The following HOXA6 variants were observed in gnomAD, a reference collection of about 807,000 sequenced individuals.
The protein encoded by HOXA6 is homeobox A6, also known as homeobox protein Hox-A6.
A neutral mutation model predicts 23.2 loss-of-function variants in HOXA6; 19 were observed. That is an observed-to-expected ratio of 0.82 (90% CI 0.57 to 1.20). The LOEUF is 1.20. Ranked by LOEUF, HOXA6 falls within the 50% of genes most tolerant of loss-of-function variation. HOXA6 has a pLI of 0.00. For synonymous variants in HOXA6, 140 were observed against 132.6 expected, an observed-to-expected ratio of 1.06 and a Z score of -0.38; for missense variants, 346 against 313.6, an observed-to-expected ratio of 1.10 and a Z score of -0.78.
In HOXA6 at chr7:27,145,402, T is replaced by C; in HGVS notation, c.*256A>G. 1 of 558,690 alleles carries C rather than the reference T, an allele frequency of 1.8e-6. No homozygotes were observed. The highest frequency in any genetic ancestry group is 2.2e-5 in the South Asian group (1 of 44,718). 34.6% of individuals were successfully genotyped at this position (558,690 alleles called of 1,614,324 possible). A position where few individuals can be genotyped will look rare whatever the true frequency, so the allele number is the denominator to read the frequency against. ...CATCCTTGTGGAGCGGGACTGGGTG[T>C]GTGCAGTGCGCCCCGCTCCACCGCT... On this transcript the variant is annotated 3_prime_UTR_variant, in exon 2 of 2. Transcript: ENST00000222728.
rs549373477 is a variant in HOXA6, at chr7:27,145,813, G to C, written c.547C>G (p.Arg183Gly). 1.2e-6 allele frequency: 2 copies of C among 1,614,274 alleles called. No homozygotes were observed. The highest frequency in any genetic ancestry group is 2.7e-5 in the African/African-American group (2 of 75,062). Residue 183 changes from arginine (R) to glycine (G), a missense_variant, in exon 2 of 2, where the codon CGC becomes GGC. Arg to Gly is a moderately radical substitution (Grantham distance 125, BLOSUM62 -2). Transcript: ENST00000222728. ...GCGTTGGCGATCTCGATGCGGCGGCGCCGTGTCAGGTAGCGGTTGAAGTGG... is the reference window on the plus strand; with the variant it reads ...GCGTTGGCGATCTCGATGCGGCGGCCCCGTGTCAGGTAGCGGTTGAAGTGG... ...EFHFNRYLTR[R>G]RRIEIANALC...
chr7:27,147,475 C>T lies in HOXA6; in HGVS notation c.275G>A (p.Gly92Asp), dbSNP rs1054236004. 2 of 1,614,006 alleles carry T rather than the reference C, an allele frequency of 1.2e-6. No homozygotes were observed. The highest frequency in any genetic ancestry group is 1.7e-5 in the Admixed American group (1 of 60,000). Residue 92 changes from glycine to aspartate, a missense_variant, in exon 1 of 2, where the codon GGC becomes GAC. By Grantham distance (94) the Gly-to-Asp change is moderately conservative. Transcript: ENST00000222728. The stretch of plus-strand genomic sequence containing the variant: ...CCCGGGGCCCCTCTGCTTGCCACTG[C>T]CCGAGGGCGAGGCGCCACTGAGGTC... ...DKDLSGASPSGSGKQRGPGDY... is the reference protein window; with the variant it reads ...DKDLSGASPSDSGKQRGPGDY...
chr7:27,145,459 TTTGTTTTGTTTTG>T lies in HOXA6; in HGVS notation c.*186_*198del, dbSNP rs1161705973. 2.6e-5 allele frequency: 6 copies of T among 227,230 alleles called. No homozygotes were observed. The Admixed American group carries it at 2.9e-4, about 11-fold the overall frequency. The allele number at this position is 227,230 out of a possible 1,614,324, so 14.1% of individuals were successfully genotyped here. A position where few individuals can be genotyped will look rare whatever the true frequency, so the allele number is the denominator to read the frequency against. On this transcript the variant is annotated 3_prime_UTR_variant, in exon 2 of 2. Coordinates refer to ENST00000222728, the MANE Select transcript of HOXA6 (RefSeq NM_024014.4). ...GGCTGTGTGTGAGGTTTTGTTTTGT[TTTGTTTTGTTTTG>T]TTTTGTTTTGTTTTGTTTTGTTTTG...
In HOXA6 at chr7:27,145,731, C is replaced by G. The variant is rs1782735361; in HGVS notation, c.629G>C (p.Trp210Ser). 1.2e-6 allele frequency: 2 copies of G among 1,614,224 alleles called. No homozygotes were observed. The highest frequency in any genetic ancestry group is 4.5e-5 in the East Asian group (2 of 44,864). The change falls in exon 2 of 2, where the codon TGG (tryptophan) becomes TCG (serine). Residue 210 changes from tryptophan to serine, a missense_variant. Coordinates refer to ENST00000222728, the MANE Select transcript of HOXA6 (RefSeq NM_024014.4). Reference sequence around the variant, plus strand: ...ATTGATGAGCTTGTTTTCCTTTTTCCACTTCATGCGGCGGTTCTGGAACCA... The same window carrying G: ...ATTGATGAGCTTGTTTTCCTTTTTCGACTTCATGCGGCGGTTCTGGAACCA... Reference protein sequence around the residue: ...KIWFQNRRMKWKKENKLINST... With the variant: ...KIWFQNRRMKSKKENKLINST...
chr7:27,145,515 G>A lies in HOXA6; in HGVS notation c.*143C>T, dbSNP rs1583410501. Reference sequence around the variant, plus strand: ...TTGTTTTGTAAGAAATAAATGCACAGACGCTTGCAAAGCTCCGGGCTCCCC... The same window carrying A: ...TTGTTTTGTAAGAAATAAATGCACAAACGCTTGCAAAGCTCCGGGCTCCCC... On this transcript the variant is annotated 3_prime_UTR_variant, in exon 2 of 2. Coordinates refer to ENST00000222728, the MANE Select transcript of HOXA6 (RefSeq NM_024014.4). 1 of 936,568 alleles carries A rather than the reference G, an allele frequency of 1.1e-6. No individual in the cohort carries two copies. Among genetic ancestry groups the A allele is most frequent in the South Asian group, 1.6e-5 (1 of 62,412 alleles). The allele number at this position is 936,568 out of a possible 1,614,324, so 58.0% of individuals were successfully genotyped here.
At chr7:27,147,254 T>G (rs775595249) in intron 1 of HOXA6, 54 bp downstream of exon 1, 2 of 1,494,428 alleles carry the variant, frequency 1.3e-6, no homozygotes, top group Middle Eastern at 1.8e-4. Flanking sequence ...CCTTCTTTCT[T>G]TCTTTTCCTG....
At chr7:27,147,275 CCTCTCCCT>C (rs1188843407) in intron 1 of HOXA6, 25 bp downstream of exon 1, 1 of 1,568,994 alleles carries the variant, frequency 6.4e-7, no homozygotes. Context: ...CCTCCTTTCC[CCTCTCCCT>C]CCACTGTCTT....
chr7:27,146,936 G>A (rs1362687682), intron 1 of HOXA6, among the ~76,000 whole-genome samples: 2 of 152,186 alleles, frequency 1.3e-5, no homozygotes, highest in African/African-American at 4.8e-5. Context: ...TATCAGTGAC[G>A]CAGTGCAAAA....
Position 27,145,597 on chromosome 7 carries a change from C to G in HOXA6, c.*61G>C. On this transcript the variant is annotated 3_prime_UTR_variant, in exon 2 of 2. Transcript: ENST00000222728. ...GCGGGGAGAAAAGTTGGGGAACAGG[C>G]GAGGGCAAGGGGGCAAAGCCGAAGG... The G allele has an allele frequency of 6.4e-7, 1 of 1,561,850 alleles. No individual in the cohort carries two copies. The highest frequency in any genetic ancestry group is 8.7e-7 in the Non-Finnish European group (1 of 1,155,292).
At chr7:27,146,172 G>A (rs1273046818) in intron 1 of HOXA6, among the ~76,000 whole-genome samples, 1 of 152,162 alleles carries the variant, frequency 6.6e-6, no homozygotes, top group Non-Finnish European at 1.5e-5. Context: ...ACCATTACAA[G>A]CAAAATAACA....
At position 27,145,871 on chromosome 7, in the gene HOXA6, CGT is replaced by C; in HGVS notation, c.487_488del (p.Thr163AlafsTer?). On this transcript the variant is annotated frameshift_variant, in exon 2 of 2. Coordinates refer to ENST00000222728, the MANE Select transcript of HOXA6 (RefSeq NM_024014.4). LOFTEE classifies it high-confidence loss of function. ...SHGRRGRQTY[T>X]RYQTLELEKE... ...TCTCCAGCTCCAGTGTCTGGTAGCG[CGT>C]GTAGGTCTGGCGGCCTCGGCGCCCA... 6.2e-7 allele frequency: 1 copy of C among 1,614,064 alleles called. No individual in the cohort carries two copies. The highest frequency in any genetic ancestry group is 8.5e-7 in the Non-Finnish European group (1 of 1,179,996).
chr7:27,147,370 C>T lies in HOXA6; in HGVS notation c.380G>A (p.Gly127Asp), dbSNP rs1225676132. The change falls in exon 1 of 2, where the codon GGC becomes GAC. Residue 127 changes from glycine (G) to aspartate (D), a missense_variant. Physicochemically the swap from Gly to Asp is moderately conservative, Grantham distance 94 (BLOSUM62 -1). Coordinates refer to ENST00000222728, the MANE Select transcript of HOXA6 (RefSeq NM_024014.4). The stretch of plus-strand genomic sequence containing the variant: ...CGGGCTCGTGTACTTCCGGTCGGCG[C>T]CTTCGTCATGGAGTGCTTTGCCCTG... ...SGQGKALHDE[G>D]ADRKYTSPVY... is the part of the protein sequence containing the mutation. 6.2e-7 allele frequency: 1 copy of T among 1,614,216 alleles called. No homozygotes were observed. The highest frequency in any genetic ancestry group is 8.5e-7 in the Non-Finnish European group (1 of 1,180,046).
Position 27,145,801 on chromosome 7 carries a change from C to CGAT in HOXA6, c.556_558dup (p.Ile186dup). ...GTGAGGCAGAGCGCGTTGGCGATCT[C>CGAT]GATGCGGCGGCGCCGTGTCAGGTAG... On this transcript the variant is annotated inframe_insertion, in exon 2 of 2. Transcript: ENST00000222728. 1 of 1,614,268 alleles carries CGAT rather than the reference C, an allele frequency of 6.2e-7. No homozygotes were observed. Among genetic ancestry groups the CGAT allele is most frequent in the Non-Finnish European group, 8.5e-7 (1 of 1,180,046 alleles).
At chr7:27,146,248 TG>T (rs1204560612) in intron 1 of HOXA6, among the ~76,000 whole-genome samples, 257 of 83,920 alleles carry the variant, frequency 3.1e-3, no homozygotes, top group African/African-American at 0.01. Context: ...TGTGTGTGTG[TG>T]TTTGTGTGTG....
At position 27,147,694 on chromosome 7, in the gene HOXA6, T is replaced by C. The variant is rs1382592578; in HGVS notation, c.56A>G (p.Asp19Gly). 2.5e-6 allele frequency: 4 copies of C among 1,613,060 alleles called. No individual in the cohort carries two copies. In the South Asian group the frequency reaches 3.3e-5, roughly 13 times the overall value. ...GAGGGGCAGCTGGCCCAAGAAGGAG[T>C]CCTGGCCGCTGGGAAGGCTCCCGGG... is the stretch of plus-strand genomic sequence containing the variant. Reference protein sequence around the residue: ...TFPGSLPSGQDSFLGQLPLYQ... With the variant: ...TFPGSLPSGQGSFLGQLPLYQ... Residue 19 changes from aspartate to glycine, a missense_variant, in exon 1 of 2, where the codon GAC becomes GGC. Asp to Gly is a moderately conservative substitution (Grantham distance 94, BLOSUM62 -1). Coordinates refer to ENST00000222728, the MANE Select transcript of HOXA6 (RefSeq NM_024014.4).
Position 27,147,446 on chromosome 7 carries a change from A to AG in HOXA6, c.303dup (p.Tyr102LeufsTer24). 1 of 1,614,160 alleles carries AG rather than the reference A, an allele frequency of 6.2e-7. No homozygotes were observed. The highest frequency in any genetic ancestry group is 8.5e-7 in the Non-Finnish European group (1 of 1,180,008). On this transcript the variant is annotated frameshift_variant, in exon 1 of 2. Transcript: ENST00000222728. LOFTEE classifies it high-confidence loss of function. ...TGCTGCTCGGGAGAAAAGTGCAGGTAGTCCCCGGGGCCCCTCTGCTTGCCA... is the reference window on the plus strand; with the variant it reads ...TGCTGCTCGGGAGAAAAGTGCAGGTAGGTCCCCGGGGCCCCTCTGCTTGCCA...
intron 1 of HOXA6, among the ~76,000 whole-genome samples, chr7:27,146,206 T>C (rs1782758617): frequency 6.6e-6 from 1 of 152,062 alleles, no homozygotes; most frequent in Non-Finnish European, 1.5e-5. Flanking sequence ...TAATTTGGGA[T>C]GCCCAGGTCG....
rs1285459613 is a variant in HOXA6 at position 27,147,374 on chromosome 7, C to A, written c.376G>T (p.Glu126Ter). The A allele has an allele frequency of 1.2e-6, 2 of 1,614,208 alleles. No homozygotes were observed. Among genetic ancestry groups the A allele is most frequent in the South Asian group, 1.1e-5 (1 of 91,086 alleles). The change falls in exon 1 of 2, where the codon GAA becomes TAA. Residue 126 changes from glutamate to a stop codon, truncating the protein, a stop_gained. Coordinates refer to ENST00000222728, the MANE Select transcript of HOXA6 (RefSeq NM_024014.4). LOFTEE classifies it high-confidence loss of function. Reference sequence around the variant, plus strand: ...CTCGTGTACTTCCGGTCGGCGCCTTCGTCATGGAGTGCTTTGCCCTGCCCG... The same window carrying A: ...CTCGTGTACTTCCGGTCGGCGCCTTAGTCATGGAGTGCTTTGCCCTGCCCG... ...SSGQGKALHD[E>*]GADRKYTSPV...
rs141474913 is a variant in HOXA6 at position 27,145,792 on chromosome 7, T to A, written c.568A>T (p.Asn190Tyr). 2.8e-5 allele frequency: 45 copies of A among 1,614,148 alleles called. No homozygotes were observed. The Middle Eastern group carries it at 6.6e-4, about 24-fold the overall frequency. The change falls in exon 2 of 2, where the codon AAC becomes TAC. Residue 190 changes from asparagine to tyrosine, a missense_variant. Transcript: ENST00000222728. Reference protein sequence around the residue: ...LTRRRRIEIANALCLTERQIK... With the variant: ...LTRRRRIEIAYALCLTERQIK... ...TGGCGCTCGGTGAGGCAGAGCGCGTTGGCGATCTCGATGCGGCGGCGCCGT... is the reference window on the plus strand; with the variant it reads ...TGGCGCTCGGTGAGGCAGAGCGCGTAGGCGATCTCGATGCGGCGGCGCCGT...
Sources: allele counts gnomAD v4.1 joint callset (sites outside exome capture counted in the v4.1 genomes callset), GRCh38; gene constraint gnomAD v4.1.1; transcripts MANE v1.5; gene names NCBI Gene and HGNC (gene_info 2026-07-23, HGNC 2026-07-21).